RNASEL: variants seen among roughly 807,000 people sequenced by gnomAD.
The protein encoded by RNASEL is ribonuclease L.
Under a neutral mutation model 50.9 loss-of-function variants are expected in RNASEL, and 36 were observed. The ratio of observed to expected loss-of-function variants is 0.71; its 90% CI spans 0.54 to 0.93. RNASEL has a LOEUF of 0.93. Ranked by LOEUF, RNASEL falls within the 40% of genes least tolerant of loss-of-function variation. The pLI, the probability that RNASEL is intolerant of heterozygous loss-of-function variation, is 0.00. For missense variants in RNASEL, 860 were observed against 894.5 expected (o/e 0.96, Z 0.49); for synonymous variants, 335 against 335.6 (o/e 1.00, Z 0.02).
At position 182,586,054 on chromosome 1, in the gene RNASEL, G is replaced by A. The variant is rs1290480082; in HGVS notation, c.753C>T (p.His251=). 2 of 1,614,004 alleles carry A rather than the reference G, an allele frequency of 1.2e-6. No individual in the cohort carries two copies. Among genetic ancestry groups the A allele is most frequent in the Non-Finnish European group, 1.7e-6 (2 of 1,180,032 alleles). The change falls in exon 2 of 7, where the codon CAC becomes CAT. Residue 251 remains histidine (H), a synonymous_variant. Transcript: ENST00000367559. The part of the protein sequence containing the change: ...TPLILAVEKK[H]LGLVQRLLEQ... ...CCAGAAGCCTCTGCACCAAACCCAA[G>A]TGCTTCTTCTCCACTGCCAGGATCA... is the stretch of plus-strand genomic sequence containing the variant.
chr1:182,587,410 TA>T (rs1205251804), intron 1 of RNASEL, among the ~76,000 whole-genome samples: 8 of 152,072 alleles, frequency 5.3e-5, no homozygotes, highest in African/African-American at 1.4e-4. Flanking sequence ...ATTAAAAATT[TA>T]AAAAATCTAA....
At position 182,575,509 on chromosome 1, in the gene RNASEL, G is replaced by A. The variant is rs535800688; in HGVS notation, c.2109C>T (p.Val703=). Residue 703 remains valine (V), a synonymous_variant, in exon 7 of 7, where the codon GTC becomes GTT. Coordinates refer to ENST00000367559, the MANE Select transcript of RNASEL (RefSeq NM_021133.4). The part of the protein sequence containing the change: ...QKTFPDLVIY[V]YTKLQNTEYR... The stretch of plus-strand genomic sequence containing the variant: ...ATTCTGTGTTCTGTAGTTTTGTGTA[G>A]ACATAGATCACCAGATCTGGAAATG... The A allele has an allele frequency of 1.9e-6, 3 of 1,614,180 alleles. No individual in the cohort carries two copies. The South Asian group carries it at 3.3e-5, about 18-fold the overall frequency.
chr1:182,574,737 G>A lies in RNASEL; in HGVS notation c.*655C>T, dbSNP rs1218705327. On this transcript the variant is annotated 3_prime_UTR_variant, in exon 7 of 7. Transcript: ENST00000367559. ...CAGTGCAAAATTGCCCCCCAGTTGA[G>A]AACTACTGCCTTAAGGTCATGGAAA... 1 of 232,232 alleles carries A rather than the reference G, an allele frequency of 4.3e-6. No individual in the cohort carries two copies. Among genetic ancestry groups the A allele is most frequent in the Admixed American group, 5.7e-5 (1 of 17,690 alleles). The allele number at this position is 232,232 out of a possible 1,614,324, so 14.4% of individuals were successfully genotyped here.
At chr1:182,582,322 G>C in intron 3 of RNASEL, 64 bp from the exon 4 acceptor site, 4 of 1,574,074 alleles carry the variant, frequency 2.5e-6, no homozygotes, top group Middle Eastern at 1.7e-4. Context: ...CCTGGAAGGA[G>C]TGGTGCACGC....
At position 182,584,181 on chromosome 1, in the gene RNASEL, G is replaced by T. The variant is rs1321815254; in HGVS notation, c.1481-15C>A. The T allele has an allele frequency of 3.2e-6, 5 of 1,574,196 alleles. No homozygotes were observed. The highest frequency in any genetic ancestry group is 2.2e-5 in the East Asian group (1 of 44,670). Reference sequence around the variant, plus strand: ...TTTCTTAGAATCTAAGGAAAAGTTTGCAGAGGCACATTGAAAATACTCATT... The same window carrying T: ...TTTCTTAGAATCTAAGGAAAAGTTTTCAGAGGCACATTGAAAATACTCATT... On this transcript the variant is annotated splice_polypyrimidine_tract_variant and intron_variant, in intron 2 of 6. Transcript: ENST00000367559.
Position 182,586,765 on chromosome 1 carries a change from C to G in RNASEL, c.42G>C (p.Thr14=), listed in dbSNP as rs1250756932. Residue 14 remains threonine (T), a synonymous_variant, in exon 2 of 7, where the codon ACG becomes ACC. Coordinates refer to ENST00000367559, the MANE Select transcript of RNASEL (RefSeq NM_021133.4). Reference sequence around the variant, plus strand: ...CTGCAGCCCTTCTACCGCTGGAGGACGTGGGTCCCTCCTGGGGGTTGTTAT... The same window carrying G: ...CTGCAGCCCTTCTACCGCTGGAGGAGGTGGGTCCCTCCTGGGGGTTGTTAT... ...RDHNNPQEGP[T]SSSGRRAAVE... 2 of 1,614,226 alleles carry G rather than the reference C, an allele frequency of 1.2e-6. No homozygotes were observed. The highest frequency in any genetic ancestry group is 1.3e-5 in the African/African-American group (1 of 75,064).
At position 182,586,532 on chromosome 1, in the gene RNASEL, C is replaced by T. The variant is rs1169124615; in HGVS notation, c.275G>A (p.Gly92Glu). ...CGCTGCGAGGATAAAAGGCGTGGCC[C>T]CATTCTTCTTCCTCAGAACAGGGTC... ...GADPVLRKKN[G>E]ATPFILAAIA... is the part of the protein sequence containing the mutation. The change falls in exon 2 of 7, where the codon GGG becomes GAG. Residue 92 changes from glycine (G) to glutamate (E), a missense_variant. Physicochemically the swap from Gly to Glu is moderately conservative, Grantham distance 98. Coordinates refer to ENST00000367559, the MANE Select transcript of RNASEL (RefSeq NM_021133.4). 6.2e-6 allele frequency: 10 copies of T among 1,609,042 alleles called. No homozygotes were observed. The highest frequency in any genetic ancestry group is 6.8e-6 in the Non-Finnish European group (8 of 1,176,580).
At chr1:182,587,113 T>C (rs1273418207) in intron 1 of RNASEL, 143 bp from the exon 2 acceptor site, 5 of 201,198 alleles carry the variant, frequency 2.5e-5, no homozygotes, top group Non-Finnish European at 5.0e-5. Flanking sequence ...TATAAATATA[T>C]GTAAATTCAA....
At chr1:182,576,936 GT>G (rs1661394493) in intron 5 of RNASEL, 1 of 150,704 alleles carries the variant, frequency 6.6e-6, no homozygotes, top group African/African-American at 2.4e-5. Context: ...GAGTACAGTG[GT>G]GCGATCTTGG....
rs1255418637 is a variant in RNASEL, at chr1:182,575,133, T to C, written c.*259A>G. 1 of 528,956 alleles carries C rather than the reference T, an allele frequency of 1.9e-6. No homozygotes were observed. The highest frequency in any genetic ancestry group is 3.4e-6 in the Non-Finnish European group (1 of 294,948). The allele number at this position is 528,956 out of a possible 1,614,324, so 32.8% of individuals were successfully genotyped here. A position where few individuals can be genotyped will look rare whatever the true frequency, so the allele number is the denominator to read the frequency against. ...GCAGCATTAGGGGTCAAGGCACTCA[T>C]TCTTTTGGTGCAATTGACAAAAGGA... On this transcript the variant is annotated 3_prime_UTR_variant, in exon 7 of 7. Transcript: ENST00000367559.
intron 5 of RNASEL, among the ~76,000 whole-genome samples, 169 bp downstream of exon 5, chr1:182,581,056 C>T (rs912462677): frequency 3.3e-5 from 5 of 152,140 alleles, no homozygotes; most frequent in Non-Finnish European, 7.3e-5. Flanking sequence ...TAGAAGTAGA[C>T]ACCCCGGCAG....
At chr1:182,576,227 T>G in intron 6 of RNASEL, 29 bp downstream of exon 6, 1 of 1,593,598 alleles carries the variant, frequency 6.3e-7, no homozygotes, top group Non-Finnish European at 8.6e-7. Flanking sequence ...ATTTCACATA[T>G]AATTTGTAGG....
In RNASEL at chr1:182,574,217, T is replaced by C; in HGVS notation, c.*1175A>G. 1 of 224,698 alleles carries C rather than the reference T, an allele frequency of 4.5e-6. No homozygotes were observed. The allele number at this position is 224,698 out of a possible 1,614,324, so 13.9% of individuals were successfully genotyped here. ...TATTAAACATTCCCACTTGGCAGACTTTTTGCTTGGCAGTGAAGATACAAA... is the reference window on the plus strand; with the variant it reads ...TATTAAACATTCCCACTTGGCAGACCTTTTGCTTGGCAGTGAAGATACAAA... On this transcript the variant is annotated 3_prime_UTR_variant, in exon 7 of 7. Coordinates refer to ENST00000367559, the MANE Select transcript of RNASEL (RefSeq NM_021133.4).
chr1:182,585,459 C>T lies in RNASEL; in HGVS notation c.1348G>A (p.Gly450Arg), dbSNP rs1661574054. 2 of 1,614,178 alleles carry T rather than the reference C, an allele frequency of 1.2e-6. No homozygotes were observed. The highest frequency in any genetic ancestry group is 1.7e-6 in the Non-Finnish European group (2 of 1,180,042). Reference protein sequence around the residue: ...TLEACLDVHRGEDVENEEDEF... With the variant: ...TLEACLDVHRREDVENEEDEF... ...TCTTCCTCATTTTCCACATCTTCCC[C>T]TCTGTGCACATCCAAACACGCTTCC... The change falls in exon 2 of 7, where the codon GGG becomes AGG. Residue 450 changes from glycine (G) to arginine (R), a missense_variant. Transcript: ENST00000367559.
At chr1:182,587,064 T>C (rs1054458744) in intron 1 of RNASEL, 94 bp from the exon 2 acceptor site, 1 of 321,974 alleles carries the variant, frequency 3.1e-6, no homozygotes, top group African/African-American at 2.1e-5. Flanking sequence ...TCTAAATACA[T>C]ATATTTATTT....
In RNASEL at chr1:182,586,747, C is replaced by T. The variant is rs539841794; in HGVS notation, c.60G>A (p.Arg20=). 2.1e-5 allele frequency: 34 copies of T among 1,614,266 alleles called. No homozygotes were observed. The Admixed American group carries it at 4.3e-4, about 21-fold the overall frequency. The change falls in exon 2 of 7, where the codon AGG becomes AGA. Residue 20 remains arginine (R), a synonymous_variant. Coordinates refer to ENST00000367559, the MANE Select transcript of RNASEL (RefSeq NM_021133.4). The stretch of plus-strand genomic sequence containing the variant: ...GCAAGTGATTGTCTTCCACTGCAGC[C>T]CTTCTACCGCTGGAGGACGTGGGTC... ...QEGPTSSSGR[R]AAVEDNHLLI...
chr1:182,581,350 T>C lies in RNASEL; in HGVS notation c.1780A>G (p.Arg594Gly). ...TCATTTCCCACATTCCGAAGCGTCC[T>C]ATAGCGGCTGAAGATGACTAAATGA... The part of the protein sequence containing the change: ...PFFWTWESRY[R>G]TLRNVGNESD... The change falls in exon 5 of 7, where the codon AGG (arginine) becomes GGG (glycine). Residue 594 changes from arginine (R) to glycine (G), a missense_variant. Transcript: ENST00000367559. 1.9e-6 allele frequency: 3 copies of C among 1,614,058 alleles called. No individual in the cohort carries two copies. The highest frequency in any genetic ancestry group is 1.7e-6 in the Non-Finnish European group (2 of 1,180,004).
At chr1:182,581,430 C>A in intron 4 of RNASEL, 73 bp from the exon 5 acceptor site, 1 of 1,430,444 alleles carries the variant, frequency 7.0e-7, no homozygotes, top group Non-Finnish European at 9.7e-7. Context: ...AAAAAGAAAA[C>A]CGTTAGATTT....
At position 182,582,254 on chromosome 1, in the gene RNASEL, A is replaced by G. The variant is rs772748867; in HGVS notation, c.1571T>C (p.Leu524Pro). ...TACCACATAGAGGACCAGCCGTCCA[A>G]GGTCCTGCACAAAAGCCATAAATCA... Reference protein sequence around the residue: ...PQEVKRDLEDLGRLVLYVVKK... With the variant: ...PQEVKRDLEDPGRLVLYVVKK... The change falls in exon 4 of 7, where the codon CTT (leucine) becomes CCT (proline). Residue 524 changes from leucine to proline, a missense_variant. By Grantham distance (98) the Leu-to-Pro change is moderately conservative (BLOSUM62 -3). Transcript: ENST00000367559. 5 of 1,614,068 alleles carry G rather than the reference A, an allele frequency of 3.1e-6. No homozygotes were observed. In the South Asian group the frequency reaches 5.5e-5, roughly 18 times the overall value.
Sources: gnomAD v4.1 joint callset for allele counts (sites outside exome capture counted in the v4.1 genomes callset) on GRCh38, gnomAD v4.1.1 for gene constraint, MANE v1.5 for transcripts, NCBI Gene and HGNC (gene_info 2026-07-23, HGNC 2026-07-21) for gene names.